KIF7: variants seen among roughly 807,000 people sequenced by gnomAD.
The protein encoded by KIF7 is kinesin-like protein KIF7.
A neutral mutation model predicts 135.7 loss-of-function variants in KIF7; 104 were observed. The ratio of observed to expected loss-of-function variants is 0.77; its 90% CI spans 0.65 to 0.90. The LOEUF is 0.90. Ranked by LOEUF, KIF7 falls within the 40% of genes least tolerant of loss-of-function variation. The probability of loss-of-function intolerance (pLI) is 0.00; values close to 1 mark genes in which losing one functional copy is unlikely to be tolerated. For missense variants in KIF7, 2,005 were observed against 1,839.1 expected, an observed-to-expected ratio of 1.09 and a Z score of -1.65; for synonymous variants, 883 against 809.4, an observed-to-expected ratio of 1.09 and a Z score of -1.54.
In KIF7 at chr15:89,629,417, CCTT is replaced by C. The variant is rs778871133; in HGVS notation, c.3472_3474del (p.Lys1158del). 5.6e-6 allele frequency: 9 copies of C among 1,606,942 alleles called. No individual in the cohort carries two copies. The African/African-American group carries it at 6.7e-5, about 12-fold the overall frequency. ...AGCAGCTGCATGTTCTGCTCGTGCTCCTTCTGCTGCAGGGTCAGCTGGCGGTCC... is the reference window on the plus strand; with the variant it reads ...AGCAGCTGCATGTTCTGCTCGTGCTCCTGCTGCAGGGTCAGCTGGCGGTCC... On this transcript the variant is annotated inframe_deletion, in exon 17 of 19. Transcript: ENST00000394412.
chr15:89,649,753 G>T lies in KIF7; in HGVS notation c.517C>A (p.Arg173Ser), dbSNP rs559797970. 2 of 1,551,830 alleles carry T rather than the reference G, an allele frequency of 1.3e-6. No individual in the cohort carries two copies. The highest frequency in any genetic ancestry group is 1.2e-5 in the South Asian group (1 of 84,058). ...CAGAGTTCCTCACCAACATTCCCGC[G>T]CTCATCTTCCCGGAGCTGGATGTCA... is the stretch of plus-strand genomic sequence containing the variant. ...SRDIQLREDE[R>S]GNVVLCGVKE... Residue 173 changes from arginine to serine, a missense_variant, in exon 3 of 19, where the codon CGC becomes AGC. Arg to Ser is a moderately radical substitution (Grantham distance 110). Coordinates refer to ENST00000394412, the MANE Select transcript of KIF7 (RefSeq NM_198525.3).
chr15:89,630,374 C>T lies in KIF7; in HGVS notation c.3231G>A (p.Leu1077=), dbSNP rs1323089305. The change falls in exon 16 of 19, where the codon CTG becomes CTA. Residue 1077 remains leucine (L), a synonymous_variant. Transcript: ENST00000394412. ...CCATGAGGTTCATCTCGCACTGGGACAGCAACGAGGCTGAGGCCCGAAGCA... is the reference window on the plus strand; with the variant it reads ...CCATGAGGTTCATCTCGCACTGGGATAGCAACGAGGCTGAGGCCCGAAGCA... The part of the protein sequence containing the change: ...QRVLRASASL[L]SQCEMNLMAK... 11 of 1,614,130 alleles carry T rather than the reference C, an allele frequency of 6.8e-6. No individual in the cohort carries two copies. The highest frequency in any genetic ancestry group is 8.5e-6 in the Non-Finnish European group (10 of 1,179,982).
chr15:89,624,622 C>T (rs771672238), downstream of KIF7: 34 of 1,613,888 alleles, frequency 2.1e-5, no homozygotes, highest in African/African-American at 4.0e-5. Context: ...TCCTGAAAGA[C>T]GGGGCTACCC....
intron 5 of KIF7, 62 bp from the exon 6 acceptor site, chr15:89,647,774 C>A: frequency 2.4e-6 from 3 of 1,262,028 alleles, no homozygotes; most frequent in South Asian, 1.3e-5. Context: ...GACACCCGGC[C>A]TCTTCTTGTT....
downstream of KIF7, chr15:89,624,966 C>A (rs1403329469): frequency 4.3e-6 from 7 of 1,614,124 alleles, no homozygotes; most frequent in South Asian, 7.7e-5. Context: ...ATTCCACAGA[C>A]TCTGCCAGCC....
At chr15:89,618,221 T>C (rs1406716464) in intron 1 of KIF7, 4 of 1,613,416 alleles carry the variant, frequency 2.5e-6, no homozygotes, top group South Asian at 2.2e-5. Context: ...GTGAGTGTTA[T>C]CTCTTTTTGT....
intron 11 of KIF7, among the ~76,000 whole-genome samples, chr15:89,639,938 T>C (rs1337676504): frequency 6.6e-6 from 1 of 152,230 alleles, no homozygotes; most frequent in Non-Finnish European, 1.5e-5. Context: ...GTGGCACTTA[T>C]ACACCATGGA....
At chr15:89,631,764 G>T in intron 14 of KIF7, 54 bp from the exon 15 acceptor site, 1 of 1,464,934 alleles carries the variant, frequency 6.8e-7, no homozygotes, top group Non-Finnish European at 9.2e-7. Flanking sequence ...TCCTCACAGG[G>T]GGGACAGAAA....
intron 14 of KIF7, 57 bp from the exon 15 acceptor site, chr15:89,631,767 G>A (rs111848204): frequency 6.3e-6 from 9 of 1,425,816 alleles, no homozygotes; most frequent in Admixed American, 2.2e-5. Context: ...TCACAGGGGG[G>A]ACAGAAAGGG....
intron 8 of KIF7, among the ~76,000 whole-genome samples, 191 bp downstream of exon 8, chr15:89,645,702 G>C (rs1164451746): frequency 1.3e-5 from 2 of 152,084 alleles, no homozygotes; most frequent in African/African-American, 2.4e-5. Context: ...TATCACACTC[G>C]CTCCAGTGAG....
chr15:89,623,787 C>T (rs759181309), downstream of KIF7: 9 of 1,613,792 alleles, frequency 5.6e-6, no homozygotes, highest in South Asian at 8.8e-5. Flanking sequence ...CCTTAAAAGA[C>T]TCCTCCTCAC....
At chr15:89,659,983 G>A (rs1964242313), upstream of KIF7, among the ~76,000 whole-genome samples, 1 of 152,218 alleles carries the variant, frequency 6.6e-6, no homozygotes, top group Non-Finnish European at 1.5e-5. Flanking sequence ...GATCACTTGA[G>A]GTCAGGAGTT....
At chr15:89,637,372 A>G (rs1164394943) in intron 11 of KIF7, among the ~76,000 whole-genome samples, 1 of 151,328 alleles carries the variant, frequency 6.6e-6, no homozygotes, top group Non-Finnish European at 1.5e-5. Context: ...AACCCTTCAA[A>G]AAATTAATGA....
chr15:89,638,371 G>GATGAC (rs1392151530), intron 11 of KIF7, among the ~76,000 whole-genome samples: 2 of 147,540 alleles, frequency 1.4e-5, no homozygotes, highest in Non-Finnish European at 3.0e-5. Context: ...CCTGTTTGCA[G>GATGAC]ATGACATGAT....
chr15:89,625,130 T>A (rs766123321), downstream of KIF7: 1 of 1,613,858 alleles, frequency 6.2e-7, no homozygotes, highest in African/African-American at 1.3e-5. Flanking sequence ...GCTCTCAGCA[T>A]GCCCAGGGCC....
Position 89,652,795 on chromosome 15 carries a change from G to A in KIF7, c.136C>T (p.Arg46Cys), listed in dbSNP as rs567170163. The change falls in exon 2 of 19, where the codon CGC becomes TGC. Residue 46 changes from arginine (R) to cysteine (C), a missense_variant. By Grantham distance (180) the Arg-to-Cys change is radical (BLOSUM62 -3). Transcript: ENST00000394412. ...TGTCGGTCACGGCCCAGAGTGACGC[G>A]GCCAAGCCCTGGCTCCACCTGCAGG... Reference protein sequence around the residue: ...SCLQVEPGLGRVTLGRDRHFG... With the variant: ...SCLQVEPGLGCVTLGRDRHFG... 9.0e-6 allele frequency: 14 copies of A among 1,551,254 alleles called. No homozygotes were observed. Among genetic ancestry groups the A allele is most frequent in the African/African-American group, 1.4e-5 (1 of 73,186 alleles).
rs913157453 is a variant in KIF7 at position 89,630,199 on chromosome 15, C to T, written c.3318+88G>A. 1.7e-5 allele frequency: 21 copies of T among 1,247,010 alleles called. No individual in the cohort carries two copies. The Admixed American group carries it at 2.1e-4, about 12-fold the overall frequency. The allele number at this position is 1,247,010 out of a possible 1,614,324, so 77.2% of individuals were successfully genotyped here. ...TTCTGTCCCCCAGTCTGGGAGGAAA[C>T]GGGATATCCGCTGGAGCAGCTGCCA... On this transcript the variant is annotated intron_variant, in intron 16 of 18. Transcript: ENST00000394412.
chr15:89,629,534 C>G lies in KIF7; in HGVS notation c.3358G>C (p.Ala1120Pro). The change falls in exon 17 of 19, where the codon GCC becomes CCC. Residue 1120 changes from alanine (A) to proline (P), a missense_variant. Physicochemically the swap from Ala to Pro is conservative, Grantham distance 27. Coordinates refer to ENST00000394412, the MANE Select transcript of KIF7 (RefSeq NM_198525.3). ...AGCTGCATCTCCAGTTCCGAGAAGGCAATCTGCTGCTGGTGCTGCTCCTCT... is the reference window on the plus strand; with the variant it reads ...AGCTGCATCTCCAGTTCCGAGAAGGGAATCTGCTGCTGGTGCTGCTCCTCT... ...LREEQHQQQI[A>P]FSELEMQLEE... The G allele has an allele frequency of 6.2e-7, 1 of 1,610,048 alleles. No individual in the cohort carries two copies. Among genetic ancestry groups the G allele is most frequent in the Non-Finnish European group, 8.5e-7 (1 of 1,180,000 alleles).
chr15:89,635,029 G>A (rs958090326), intron 11 of KIF7, among the ~76,000 whole-genome samples: 15 of 152,158 alleles, frequency 9.9e-5, no homozygotes, highest in African/African-American at 2.2e-4. Context: ...CCTGACCTCC[G>A]AGCAGCCTAA....
Sources: allele counts gnomAD v4.1 joint callset (sites outside exome capture counted in the v4.1 genomes callset), GRCh38; gene constraint gnomAD v4.1.1; transcripts MANE v1.5; gene names NCBI Gene and HGNC (gene_info 2026-07-23, HGNC 2026-07-21).